The following CTNND2 variants were observed in gnomAD, a reference collection of about 807,000 sequenced individuals.
The protein encoded by CTNND2 is catenin delta 2.
A neutral mutation model predicts 144.4 loss-of-function variants in CTNND2; 22 were observed. That is an observed-to-expected ratio of 0.15 (90% CI 0.11 to 0.22). The LOEUF (loss-of-function observed/expected upper bound fraction) is 0.22. Ranked by LOEUF, CTNND2 falls within the 10% of genes least tolerant of loss-of-function variation. The pLI is 1.00. For synonymous variants in CTNND2, 751 were observed against 695.6 expected, an observed-to-expected ratio of 1.08 and a Z score of -1.25; for missense variants, 1,353 against 1,618.8, an observed-to-expected ratio of 0.84 and a Z score of 2.82.
intron 11 of CTNND2, among the ~76,000 whole-genome samples, chr5:11,170,382 A>G (rs1481236586): frequency 6.6e-6 from 1 of 152,224 alleles, no homozygotes; most frequent in African/African-American, 2.4e-5. Context: ...ATTCAGTTTT[A>G]TATGTTTTTA....
At chr5:11,852,623 T>C (rs1301812961) in intron 1 of CTNND2, among the ~76,000 whole-genome samples, 4 of 152,208 alleles carry the variant, frequency 2.6e-5, no homozygotes, top group Admixed American at 2.0e-4. Context: ...CATGAAAAGA[T>C]ACTGTATACT....
chr5:11,195,162 A>C (rs1294705728), intron 11 of CTNND2, among the ~76,000 whole-genome samples: 1 of 152,206 alleles, frequency 6.6e-6, no homozygotes, highest in East Asian at 1.9e-4. Flanking sequence ...GAAAATGTTC[A>C]ACGATTTTTT....
At chr5:11,190,134 G>T (rs984710858) in intron 11 of CTNND2, among the ~76,000 whole-genome samples, 1 of 152,192 alleles carries the variant, frequency 6.6e-6, no homozygotes, top group Admixed American at 6.5e-5. Context: ...TATCTCCTCT[G>T]CCCATCATTG....
chr5:11,481,148 T>C (rs1272822854), intron 3 of CTNND2, among the ~76,000 whole-genome samples: 6 of 152,076 alleles, frequency 3.9e-5, no homozygotes, highest in Admixed American at 3.9e-4. Context: ...AGTGACATAA[T>C]AACAAAAAGG....
At chr5:11,755,211 A>T (rs1788865714) in intron 1 of CTNND2, among the ~76,000 whole-genome samples, 1 of 151,598 alleles carries the variant, frequency 6.6e-6, no homozygotes, top group Admixed American at 6.6e-5. Context: ...GTTTAGTTTG[A>T]CTGGATATGA....
In CTNND2 at chr5:11,069,408, G is replaced by A. The variant is rs532621919; in HGVS notation, c.2788+13288C>T. ...AGTAGATAGAAAAGGAGGTGAAAGA[G>A]CCATCAGGGTAGGAAAATGGCTGCC... is the stretch of plus-strand genomic sequence containing the variant. On this transcript the variant is annotated intron_variant, in intron 16 of 21. Coordinates refer to ENST00000304623, the MANE Select transcript of CTNND2 (RefSeq NM_001332.4). Among the ~76,000 whole-genome samples the A allele has an allele frequency of 4.6e-5, 7 of 152,290 alleles. No individual in the cohort carries two copies. The South Asian group carries it at 1.5e-3, about 32-fold the overall frequency.
At chr5:11,383,392 G>A (rs1758718532) in intron 7 of CTNND2, among the ~76,000 whole-genome samples, 1 of 152,134 alleles carries the variant, frequency 6.6e-6, no homozygotes, top group South Asian at 2.1e-4. Flanking sequence ...CCTTTTCTAA[G>A]CAGATCGCTA....
At chr5:11,868,563 G>A (rs139918955) in intron 1 of CTNND2, among the ~76,000 whole-genome samples, 66 of 152,174 alleles carry the variant, frequency 4.3e-4, no homozygotes, top group Middle Eastern at 3.4e-3. Context: ...GATTGCTATC[G>A]TTTCAATATT....
intron 1 of CTNND2, among the ~76,000 whole-genome samples, chr5:11,772,410 G>C (rs1789999336): frequency 6.6e-6 from 1 of 152,080 alleles, no homozygotes; most frequent in African/African-American, 2.4e-5. Flanking sequence ...ATTTAGATAG[G>C]CGTTCTAACA....
intron 2 of CTNND2, among the ~76,000 whole-genome samples, chr5:11,704,513 C>T (rs1389506678): frequency 1.3e-5 from 2 of 152,120 alleles, no homozygotes; most frequent in African/African-American, 4.8e-5. Context: ...AACCCAAGTA[C>T]TTAGCATCAG....
intron 2 of CTNND2, among the ~76,000 whole-genome samples, chr5:11,629,290 T>C (rs995076185): frequency 9.9e-5 from 15 of 152,080 alleles, no homozygotes; most frequent in African/African-American, 1.4e-4. Flanking sequence ...CAACAACTCA[T>C]GCAAGAGACA....
intron 3 of CTNND2, among the ~76,000 whole-genome samples, chr5:11,560,888 T>G (rs1474799544): frequency 6.6e-6 from 1 of 152,224 alleles, no homozygotes; most frequent in East Asian, 1.9e-4. Context: ...TTATGTATCC[T>G]GCAGATCTAA....
At position 11,159,707 on chromosome 5, in the gene CTNND2, C is replaced by G. The variant is rs1758578331; in HGVS notation, c.2028G>C (p.Gln676His). Residue 676 changes from glutamine to histidine, a missense_variant, in exon 12 of 22, where the codon CAG becomes CAC. This residue lies in a region of CTNND2 where 117 missense variants were observed against 117.8 expected (regional missense o/e 0.99). Transcript: ENST00000304623. ...CGTTGGTCAGTACTGCTAGGGCATC[C>G]TGGATGATTGGCATTTTGAGTGCAT... ...SCDALKMPIIQDALAVLTNAV... is the reference protein window; with the variant it reads ...SCDALKMPIIHDALAVLTNAV... 2 of 1,610,252 alleles carry G rather than the reference C, an allele frequency of 1.2e-6. No homozygotes were observed. The highest frequency in any genetic ancestry group is 1.7e-5 in the Admixed American group (1 of 59,412).
intron 9 of CTNND2, among the ~76,000 whole-genome samples, chr5:11,254,276 C>T (rs1708937479): frequency 6.6e-6 from 1 of 152,176 alleles, no homozygotes; most frequent in Non-Finnish European, 1.5e-5. Context: ...CCCATCACTT[C>T]AAGTTTCCCT....
chr5:11,878,228 C>T (rs1337101257), intron 1 of CTNND2, among the ~76,000 whole-genome samples: 1 of 152,082 alleles, frequency 6.6e-6, no homozygotes, highest in Non-Finnish European at 1.5e-5. Context: ...ATGTGGTATA[C>T]AATTTTATAT....
chr5:11,144,104 C>T (rs1757016761), intron 12 of CTNND2, among the ~76,000 whole-genome samples: 1 of 150,682 alleles, frequency 6.6e-6, no homozygotes, highest in African/African-American at 2.4e-5. Context: ...GGGTTTCTAC[C>T]ATAGGGGCAG....
intron 1 of CTNND2, among the ~76,000 whole-genome samples, chr5:11,755,081 T>C (rs1206135289): frequency 6.6e-6 from 1 of 151,656 alleles, no homozygotes; most frequent in Admixed American, 6.6e-5. Flanking sequence ...TAGTTGAACA[T>C]TCTTTCCTTT....
At chr5:11,343,240 G>C (rs1754443644) in intron 9 of CTNND2, among the ~76,000 whole-genome samples, 2 of 152,116 alleles carry the variant, frequency 1.3e-5, no homozygotes, top group Non-Finnish European at 2.9e-5. Context: ...GGCTTCTCTG[G>C]TTTCAAGTCT....
intron 19 of CTNND2, among the ~76,000 whole-genome samples, chr5:10,990,575 T>C (rs1200386033): frequency 6.6e-6 from 1 of 152,212 alleles, no homozygotes. Flanking sequence ...CACATAATCA[T>C]GAAGGGACAA....
Sources: gnomAD v4.1 joint callset for allele counts (sites outside exome capture counted in the v4.1 genomes callset) on GRCh38, gnomAD v4.1.1 for gene constraint, gnomAD v4.1.1 regional missense constraint, MANE v1.5 for transcripts, NCBI Gene and HGNC (gene_info 2026-07-23, HGNC 2026-07-21) for gene names.